SCAMP1: variants seen among roughly 807,000 people sequenced by gnomAD.
SCAMP1 encodes the protein secretory carrier-associated membrane protein 1.
A neutral mutation model predicts 41.8 loss-of-function variants in SCAMP1; 15 were observed. The ratio of observed to expected loss-of-function variants is 0.36; its 90% CI spans 0.24 to 0.55. The LOEUF (loss-of-function observed/expected upper bound fraction) is 0.55. Ranked by LOEUF, SCAMP1 falls within the 20% of genes least tolerant of loss-of-function variation. The probability of loss-of-function intolerance (pLI) is 0.86; values close to 1 mark genes in which losing one functional copy is unlikely to be tolerated. For synonymous variants in SCAMP1, 135 were observed against 136.8 expected (o/e 0.99, Z 0.09); for missense variants, 341 against 412.6 (o/e 0.83, Z 1.50).
intron 2 of SCAMP1, among the ~76,000 whole-genome samples, chr5:78,401,897 T>C (rs1751807953): frequency 6.6e-6 from 1 of 152,182 alleles, no homozygotes; most frequent in Non-Finnish European, 1.5e-5. Context: ...CTTTTTCTAA[T>C]TTCCTAACAT....
intron 6 of SCAMP1, among the ~76,000 whole-genome samples, chr5:78,447,479 A>T (rs576758378): frequency 4.6e-5 from 7 of 152,320 alleles, no homozygotes; most frequent in African/African-American, 1.7e-4. Flanking sequence ...ATTTTGAGAA[A>T]GGTACAAAGG....
chr5:78,402,135 GT>G (rs1255396503), intron 2 of SCAMP1, among the ~76,000 whole-genome samples: 1 of 148,130 alleles, frequency 6.8e-6, no homozygotes, highest in Non-Finnish European at 1.5e-5. Context: ...GGATGTTTCA[GT>G]TTTCTTCTTG....
chr5:78,477,369 A>G lies in SCAMP1; in HGVS notation c.*1701A>G, dbSNP rs1350481714. On this transcript the variant is annotated 3_prime_UTR_variant, in exon 9 of 9. Transcript: ENST00000621999. ...CTATTTTTTGTAAATATTTCTAATC[A>G]GCGATAATTTCTACCTATGTTCTCA... 1 of 152,148 alleles carries G rather than the reference A, an allele frequency of 6.6e-6. No individual in the cohort carries two copies. The allele number at this position is 152,148 out of a possible 1,614,324, so 9.4% of individuals were successfully genotyped here.
At chr5:78,437,642 G>T (rs1030624487) in intron 6 of SCAMP1, among the ~76,000 whole-genome samples, 9 of 152,148 alleles carry the variant, frequency 5.9e-5, no homozygotes, top group African/African-American at 2.2e-4. Flanking sequence ...TTTTTGCATC[G>T]ATGTTCATCA....
intron 3 of SCAMP1, 74 bp from the exon 4 acceptor site, chr5:78,416,467 A>T: frequency 9.3e-7 from 1 of 1,072,350 alleles, no homozygotes; most frequent in Non-Finnish European, 1.3e-6. Context: ...GTAGAGAAGT[A>T]GGAGTTAGCA....
chr5:78,405,321 T>C lies in SCAMP1; in HGVS notation c.136-10199T>C, dbSNP rs558603167. Among the ~76,000 whole-genome samples the C allele has an allele frequency of 2.3e-4, 35 of 152,316 alleles. No individual in the cohort carries two copies. The South Asian group carries it at 6.8e-3, about 30-fold the overall frequency. ...CTAATATTCTTTGTTCTTCATCTTG[T>C]CGCACCCTCTCCCTGTGTATTCCTG... On this transcript the variant is annotated intron_variant, in intron 2 of 8. Transcript: ENST00000621999.
At chr5:78,379,085 T>G (rs1751136068) in intron 1 of SCAMP1, among the ~76,000 whole-genome samples, 1 of 152,196 alleles carries the variant, frequency 6.6e-6, no homozygotes, top group African/African-American at 2.4e-5. Flanking sequence ...TGCCACAGTT[T>G]TGGAATTATT....
chr5:78,403,331 C>T (rs906068075), intron 2 of SCAMP1, among the ~76,000 whole-genome samples: 1 of 152,050 alleles, frequency 6.6e-6, no homozygotes, highest in African/African-American at 2.4e-5. Context: ...GAATATGATT[C>T]CTCCCTCCCA....
chr5:78,413,027 A>G (rs560084667), intron 2 of SCAMP1, among the ~76,000 whole-genome samples: 1 of 152,344 alleles, frequency 6.6e-6, no homozygotes, highest in African/African-American at 2.4e-5. Flanking sequence ...AAGCTCAAGA[A>G]ATATTCATAA....
At chr5:78,392,781 A>G (rs1368990087) in intron 2 of SCAMP1, among the ~76,000 whole-genome samples, 1 of 152,252 alleles carries the variant, frequency 6.6e-6, no homozygotes, top group South Asian at 2.1e-4. Context: ...TTTGTTTATT[A>G]TATAATGTGA....
chr5:78,401,725 C>T (rs777685399), intron 2 of SCAMP1, among the ~76,000 whole-genome samples: 4 of 152,126 alleles, frequency 2.6e-5, no homozygotes, highest in Non-Finnish European at 5.9e-5. Flanking sequence ...CCTTTTGTTC[C>T]TCCTTAGGGA....
chr5:78,457,227 A>T (rs1250763804), intron 7 of SCAMP1, among the ~76,000 whole-genome samples: 1 of 152,172 alleles, frequency 6.6e-6, no homozygotes, highest in Non-Finnish European at 1.5e-5. Context: ...GTTGCTGGTG[A>T]GGAACTGCGT....
chr5:78,438,945 A>G (rs1426755944), intron 6 of SCAMP1, among the ~76,000 whole-genome samples: 1 of 152,160 alleles, frequency 6.6e-6, no homozygotes, highest in Non-Finnish European at 1.5e-5. Context: ...TTCTTGTTGA[A>G]TTGATCTGTT....
At chr5:78,443,526 C>T (rs6860842) in intron 6 of SCAMP1, among the ~76,000 whole-genome samples, 42,883 of 151,918 alleles carry the variant, frequency 0.28, 6,370 homozygotes, top group East Asian at 0.54. Context: ...AGGTTTAAAA[C>T]TTCATGTAAT....
intron 6 of SCAMP1, among the ~76,000 whole-genome samples, chr5:78,422,437 A>C (rs1752360699): frequency 6.6e-6 from 1 of 152,130 alleles, no homozygotes; most frequent in Admixed American, 6.5e-5. Flanking sequence ...GTTTTTTCAA[A>C]GGCAGCACCA....
rs1753990504 is a variant in SCAMP1 at position 78,475,816 on chromosome 5, T to G, written c.*148T>G. Reference sequence around the variant, plus strand: ...GTGCATGGGCTAAAACCAGGAAAACTTCCTTGTCTTATTACTTTACCTAAT... The same window carrying G: ...GTGCATGGGCTAAAACCAGGAAAACGTCCTTGTCTTATTACTTTACCTAAT... On this transcript the variant is annotated 3_prime_UTR_variant, in exon 9 of 9. Transcript: ENST00000621999. 1 of 493,604 alleles carries G rather than the reference T, an allele frequency of 2.0e-6. No homozygotes were observed. Among genetic ancestry groups the G allele is most frequent in the African/African-American group, 2.0e-5 (1 of 50,324 alleles). The allele number at this position is 493,604 out of a possible 1,614,324, so 30.6% of individuals were successfully genotyped here.
At chr5:78,462,236 A>C (rs534482656) in intron 8 of SCAMP1, among the ~76,000 whole-genome samples, 3 of 144,896 alleles carry the variant, frequency 2.1e-5, no homozygotes, top group African/African-American at 7.6e-5. Context: ...TGTCTATTGT[A>C]AATGGGATTG....
At chr5:78,463,215 C>T (rs1487753048) in intron 8 of SCAMP1, among the ~76,000 whole-genome samples, 2 of 152,214 alleles carry the variant, frequency 1.3e-5, no homozygotes, top group Non-Finnish European at 2.9e-5. Context: ...TTTTCCTCCT[C>T]CTTAACCTCT....
chr5:78,436,909 G>T (rs1335861941), intron 6 of SCAMP1, among the ~76,000 whole-genome samples: 1 of 152,124 alleles, frequency 6.6e-6, no homozygotes, highest in African/African-American at 2.4e-5. Flanking sequence ...TTGAGCAGTG[G>T]TTTGTAGTTC....
Sources: allele counts gnomAD v4.1 joint callset (sites outside exome capture counted in the v4.1 genomes callset), GRCh38; gene constraint gnomAD v4.1.1; transcripts MANE v1.5; gene names NCBI Gene and HGNC (gene_info 2026-07-23, HGNC 2026-07-21).